GNAI1: variants seen among roughly 807,000 people sequenced by gnomAD.
GNAI1 encodes the protein G protein subunit alpha i1.
GNAI1 carries 11 observed loss-of-function variants against 38.9 expected under a neutral mutation model. That is an observed-to-expected ratio of 0.28 (90% CI 0.18 to 0.47). The LOEUF is 0.47. Among genes scored for constraint, GNAI1 ranks in the 20% least tolerant of loss-of-function variants. The probability of loss-of-function intolerance (pLI) is 0.99; values close to 1 mark genes in which losing one functional copy is unlikely to be tolerated. For missense variants in GNAI1, 317 were observed against 436.9 expected (o/e 0.73, Z 2.45); for synonymous variants, 166 against 145.1 (o/e 1.14, Z -1.04).
chr7:80,189,577 G>C (rs1788445214), intron 3 of GNAI1, among the ~76,000 whole-genome samples: 3 of 151,976 alleles, frequency 2.0e-5, no homozygotes, highest in South Asian at 2.1e-4. Context: ...TTCAAAATCT[G>C]TTTCTGCAAT....
At chr7:80,180,722 C>G (rs757082637) in intron 1 of GNAI1, among the ~76,000 whole-genome samples, 1 of 152,112 alleles carries the variant, frequency 6.6e-6, no homozygotes, top group Non-Finnish European at 1.5e-5. Flanking sequence ...TCTGCAGTTA[C>G]GACTAGAGTG....
intron 3 of GNAI1, among the ~76,000 whole-genome samples, chr7:80,192,011 ACTC>A (rs776739701): frequency 6.6e-5 from 10 of 151,456 alleles, no homozygotes; most frequent in Non-Finnish European, 7.4e-5. Flanking sequence ...TCTTCTGTGA[ACTC>A]CTCTTAGTTT....
At chr7:80,161,326 T>C (rs950746437) in intron 1 of GNAI1, among the ~76,000 whole-genome samples, 1 of 152,190 alleles carries the variant, frequency 6.6e-6, no homozygotes, top group African/African-American at 2.4e-5. Flanking sequence ...CACATACTTA[T>C]TTACTTGGAG....
At chr7:80,145,415 A>G (rs759803912) in intron 1 of GNAI1, among the ~76,000 whole-genome samples, 32 of 152,124 alleles carry the variant, frequency 2.1e-4, no homozygotes, top group Non-Finnish European at 4.1e-4. Flanking sequence ...TTCCTTTTAT[A>G]TGAAGGTTGG....
rs559242744 is a variant in GNAI1, at chr7:80,163,415, C to T, written c.119-25536C>T. On this transcript the variant is annotated intron_variant, in intron 1 of 7. Transcript: ENST00000649796. ...TGTCCTCTTAATAAGATGGTCTGTT[C>T]GTAGTAGATTCTCCATCACTCCATT... Among the ~76,000 whole-genome samples, 17 of 152,226 alleles carry T rather than the reference C, an allele frequency of 1.1e-4. No homozygotes were observed. The South Asian group carries it at 3.5e-3, about 32-fold the overall frequency.
At chr7:80,151,795 C>T (rs1411525363) in intron 1 of GNAI1, among the ~76,000 whole-genome samples, 1 of 151,904 alleles carries the variant, frequency 6.6e-6, no homozygotes, top group East Asian at 1.9e-4. Flanking sequence ...TGGATCCAAA[C>T]ATGTATCATA....
intron 4 of GNAI1, among the ~76,000 whole-genome samples, chr7:80,201,733 A>G (rs1248275006): frequency 6.6e-6 from 1 of 152,154 alleles, no homozygotes; most frequent in Non-Finnish European, 1.5e-5. Flanking sequence ...CAAAGAAAAA[A>G]AAATTAAAAT....
Position 80,225,445 on chromosome 7 carries a change from ATGT to A in GNAI1, c.*7957_*7959del, listed in dbSNP as rs1382341390. ...CAAAAGATTAGTGGGGTTTTTTTTA[ATGT>A]TGTTATTGTGTTGTGTTTTGTTTTT... is the stretch of plus-strand genomic sequence containing the variant. On this transcript the variant is annotated 3_prime_UTR_variant, in exon 8 of 8. Transcript: ENST00000649796. 1.1e-4 allele frequency among the ~76,000 whole-genome samples: 16 copies of A among 152,054 alleles called. No homozygotes were observed. Among genetic ancestry groups the A allele is most frequent in the African/African-American group, 3.9e-4 (16 of 41,504 alleles).
intron 1 of GNAI1, among the ~76,000 whole-genome samples, chr7:80,140,219 C>T (rs1444985613): frequency 1.3e-5 from 2 of 151,940 alleles, no homozygotes; most frequent in African/African-American, 4.8e-5. Context: ...CTCCTGACCT[C>T]GTGATCCGCC....
At chr7:80,196,277 A>AT (rs1421008762) in intron 3 of GNAI1, among the ~76,000 whole-genome samples, 3 of 151,898 alleles carry the variant, frequency 2.0e-5, no homozygotes, top group Non-Finnish European at 4.4e-5. Flanking sequence ...CATGCAAGGA[A>AT]TTTTTCTGTC....
intron 1 of GNAI1, among the ~76,000 whole-genome samples, chr7:80,172,031 G>C (rs1788105908): frequency 6.6e-6 from 1 of 152,086 alleles, no homozygotes; most frequent in South Asian, 2.1e-4. Flanking sequence ...CATTTTATTT[G>C]TATCAGCCTT....
chr7:80,136,451 A>G (rs751931990), intron 1 of GNAI1, among the ~76,000 whole-genome samples: 27 of 152,168 alleles, frequency 1.8e-4, no homozygotes, highest in Non-Finnish European at 2.8e-4. Context: ...CTCCATTACT[A>G]GTAGGCTTGG....
rs1272603667 is a variant in GNAI1 at position 80,223,761 on chromosome 7, A to C, written c.*6268A>C. 6.6e-6 allele frequency among the ~76,000 whole-genome samples: 1 copy of C among 152,184 alleles called. No individual in the cohort carries two copies. Among genetic ancestry groups the C allele is most frequent in the Non-Finnish European group, 1.5e-5 (1 of 68,038 alleles). The stretch of plus-strand genomic sequence containing the variant: ...AAGTGACCAATTGTCCTAGCAATCT[A>C]CTTCACAAGGCAATTTACCTGTAAT... On this transcript the variant is annotated 3_prime_UTR_variant, in exon 8 of 8. Coordinates refer to ENST00000649796, the MANE Select transcript of GNAI1 (RefSeq NM_002069.6).
chr7:80,199,604 A>T (rs1367699401), intron 4 of GNAI1, among the ~76,000 whole-genome samples: 1 of 152,164 alleles, frequency 6.6e-6, no homozygotes, highest in Admixed American at 6.5e-5. Flanking sequence ...GACTCATGCT[A>T]TGTAACTCTA....
At position 80,143,252 on chromosome 7, in the gene GNAI1, G is replaced by A. The variant is rs1009521700; in HGVS notation, c.118+7974G>A. 2.0e-5 allele frequency among the ~76,000 whole-genome samples: 3 copies of A among 152,100 alleles called. No homozygotes were observed. The East Asian group carries it at 5.8e-4, about 29-fold the overall frequency. The stretch of plus-strand genomic sequence containing the variant: ...AAATACAATATATACATAAAGATAA[G>A]TCCTCATAATGTCAAATGGGGAAGA... On this transcript the variant is annotated intron_variant, in intron 1 of 7. Coordinates refer to ENST00000649796, the MANE Select transcript of GNAI1 (RefSeq NM_002069.6).
intron 1 of GNAI1, among the ~76,000 whole-genome samples, chr7:80,186,903 T>C (rs1788394956): frequency 6.6e-6 from 1 of 152,228 alleles, no homozygotes; most frequent in South Asian, 2.1e-4. Flanking sequence ...GCCATTATGC[T>C]TTTCATGGAG....
At chr7:80,149,797 C>T (rs1231623241) in intron 1 of GNAI1, among the ~76,000 whole-genome samples, 1 of 152,150 alleles carries the variant, frequency 6.6e-6, no homozygotes, top group East Asian at 1.9e-4. Context: ...GTAACTATTC[C>T]TTGAGTGGTT....
At chr7:80,174,037 G>A (rs1788141439) in intron 1 of GNAI1, among the ~76,000 whole-genome samples, 1 of 152,108 alleles carries the variant, frequency 6.6e-6, no homozygotes, top group Non-Finnish European at 1.5e-5. Flanking sequence ...GGGTTATCAG[G>A]AAACTTTGGA....
intron 1 of GNAI1, among the ~76,000 whole-genome samples, chr7:80,165,569 GTCTT>G (rs1336701489): frequency 6.6e-6 from 1 of 152,124 alleles, no homozygotes; most frequent in Non-Finnish European, 1.5e-5. Context: ...TTTAAAGACA[GTCTT>G]TATTTTCAGT....
Sources: gnomAD v4.1 joint callset for allele counts (sites outside exome capture counted in the v4.1 genomes callset) on GRCh38, gnomAD v4.1.1 for gene constraint, MANE v1.5 for transcripts, NCBI Gene and HGNC (gene_info 2026-07-23, HGNC 2026-07-21) for gene names.